Variants in LRMDA observed in about 807,000 individuals in gnomAD.
LRMDA encodes the protein leucine rich melanocyte differentiation associated.
A neutral mutation model predicts 29.8 loss-of-function variants in LRMDA; 18 were observed. The observed-to-expected ratio is 0.60, with a 90% CI of 0.42 to 0.90. The LOEUF is 0.90. Ranked by LOEUF, LRMDA falls within the 40% of genes least tolerant of loss-of-function variation. LRMDA has a pLI of 0.00. For synonymous variants in LRMDA, 125 were observed against 109.4 expected (o/e 1.14, Z -0.89); for missense variants, 273 against 273.9 (o/e 1.00, Z 0.02).
chr10:76,419,761 T>C (rs1055467615), intron 6 of LRMDA, among the ~76,000 whole-genome samples: 1 of 152,114 alleles, frequency 6.6e-6, no homozygotes, highest in Admixed American at 6.5e-5. Context: ...TTATCCATTT[T>C]TAAAATTGGG....
chr10:76,277,612 T>A (rs531655711), intron 5 of LRMDA, among the ~76,000 whole-genome samples: 19 of 152,304 alleles, frequency 1.2e-4, no homozygotes, highest in African/African-American at 4.3e-4. Flanking sequence ...TTGTTGTTAG[T>A]CTGAATTTTT....
intron 5 of LRMDA, among the ~76,000 whole-genome samples, chr10:76,084,796 A>G (rs1221876028): frequency 2.0e-5 from 3 of 152,228 alleles, no homozygotes; most frequent in Admixed American, 1.3e-4. Context: ...CAGTGAACCT[A>G]TTCACAATTA....
chr10:75,801,070 C>A (rs1284159715), intron 2 of LRMDA, among the ~76,000 whole-genome samples: 1 of 152,182 alleles, frequency 6.6e-6, no homozygotes, highest in Non-Finnish European at 1.5e-5. Context: ...ATTTACCAAG[C>A]GCCTTCACCA....
chr10:76,387,949 A>G (rs1044305982), intron 6 of LRMDA, among the ~76,000 whole-genome samples: 3 of 152,134 alleles, frequency 2.0e-5, no homozygotes, highest in Non-Finnish European at 4.4e-5. Flanking sequence ...GTCAAACATC[A>G]TTGTCCTGTC....
chr10:76,042,422 TC>T (rs1848357026), intron 3 of LRMDA, among the ~76,000 whole-genome samples: 2 of 152,272 alleles, frequency 1.3e-5, no homozygotes, highest in African/African-American at 2.4e-5. Context: ...CCCAGGAAAG[TC>T]CCATGATCAG....
chr10:75,618,376 CTCTCTCTA>C lies in LRMDA; in HGVS notation c.131+179884_131+179891del, dbSNP rs1324965287. 6.8e-3 allele frequency among the ~76,000 whole-genome samples: 468 copies of C among 69,164 alleles called. 4 individuals are homozygous for C. The highest frequency in any genetic ancestry group is 0.013 in the African/African-American group (268 of 20,148). The allele number at this position is 69,164 out of a possible 152,430, so 45.4% of individuals were successfully genotyped here. On this transcript the variant is annotated intron_variant, in intron 2 of 6. Transcript: ENST00000611255. ...CCAGACTCTCTCTCTCTCTCTCTCT[CTCTCTCTA>C]TATATATATATATATATATATATCA...
At chr10:76,443,224 A>G (rs1410740359) in intron 6 of LRMDA, among the ~76,000 whole-genome samples, 1 of 152,156 alleles carries the variant, frequency 6.6e-6, no homozygotes, top group Non-Finnish European at 1.5e-5. Context: ...AAAACCCAAC[A>G]TGAACATATT....
intron 5 of LRMDA, among the ~76,000 whole-genome samples, chr10:76,132,966 C>CCTTT (rs1850022903): frequency 1.7e-5 from 1 of 57,372 alleles, no homozygotes; most frequent in Admixed American, 2.5e-4. Flanking sequence ...CCACGCCCGG[C>CCTTT]TTTTTTTTTT....
At chr10:75,515,919 T>A (rs926082121) in intron 2 of LRMDA, among the ~76,000 whole-genome samples, 1 of 152,096 alleles carries the variant, frequency 6.6e-6, no homozygotes, top group African/African-American at 2.4e-5. Flanking sequence ...GTGTTCTCAG[T>A]GTTCAGTTCC....
At chr10:76,033,180 C>G (rs1243859169) in intron 2 of LRMDA, among the ~76,000 whole-genome samples, 1 of 152,126 alleles carries the variant, frequency 6.6e-6, no homozygotes, top group African/African-American at 2.4e-5. Flanking sequence ...ATTTACTATG[C>G]TCTCTGCCCC....
chr10:76,087,128 GTGGGGCGGGTGGCA>G, intron 5 of LRMDA, among the ~76,000 whole-genome samples: 1 of 152,182 alleles, frequency 6.6e-6, no homozygotes, highest in Non-Finnish European at 1.5e-5. Flanking sequence ...GATCTGCCTG[GTGGGGCGGGTGGCA>G]TGCCAGTGCA....
In LRMDA at chr10:75,637,627, T is replaced by C. The variant is rs117363789; in HGVS notation, c.131+199133T>C. On this transcript the variant is annotated intron_variant, in intron 2 of 6. Transcript: ENST00000611255. ...AGCTATGGAGATGCTTAGCCTTCCT[T>C]GGAAAATGTTGAGAAGGAAAAATTG... Among the ~76,000 whole-genome samples the C allele has an allele frequency of 4.0e-4, 61 of 152,324 alleles. No homozygotes were observed. In the East Asian group the frequency reaches 7.3e-3, roughly 18 times the overall value.
intron 6 of LRMDA, among the ~76,000 whole-genome samples, chr10:76,489,716 A>G (rs1298930546): frequency 6.6e-6 from 1 of 151,928 alleles, no homozygotes; most frequent in Admixed American, 6.6e-5. Flanking sequence ...TTACATTATC[A>G]GTCATTTCAA....
intron 2 of LRMDA, among the ~76,000 whole-genome samples, chr10:75,533,299 A>G (rs1845499545): frequency 3.3e-5 from 5 of 152,216 alleles, no homozygotes; most frequent in Admixed American, 2.0e-4. Context: ...TGGACTCCTC[A>G]TTTTATAATG....
chr10:75,963,389 C>T (rs774561165), intron 2 of LRMDA, among the ~76,000 whole-genome samples: 5 of 152,174 alleles, frequency 3.3e-5, no homozygotes, highest in African/African-American at 4.8e-5. Flanking sequence ...ATCTCATTCC[C>T]GTATCATCAA....
At chr10:75,598,855 T>G (rs1050157157) in intron 2 of LRMDA, among the ~76,000 whole-genome samples, 2 of 152,246 alleles carry the variant, frequency 1.3e-5, no homozygotes, top group African/African-American at 2.4e-5. Context: ...TTTTTCAATG[T>G]ATGTGGCATT....
chr10:75,912,495 T>G (rs368874927), intron 2 of LRMDA, among the ~76,000 whole-genome samples: 30 of 152,292 alleles, frequency 2.0e-4, no homozygotes, highest in African/African-American at 6.0e-4. Flanking sequence ...AGGAAGGGCA[T>G]TCCAGGCTGA....
At chr10:75,569,892 A>G (rs1026328444) in intron 2 of LRMDA, among the ~76,000 whole-genome samples, 1 of 152,354 alleles carries the variant, frequency 6.6e-6, no homozygotes, top group Non-Finnish European at 1.5e-5. Context: ...GTTCACATAT[A>G]TGGAGGCAGT....
At chr10:75,484,289 A>T (rs71473780) in intron 2 of LRMDA, among the ~76,000 whole-genome samples, 13 of 152,192 alleles carry the variant, frequency 8.5e-5, no homozygotes, top group African/African-American at 3.1e-4. Flanking sequence ...AATATGATAA[A>T]CAATATTAGA....
Sources: allele counts gnomAD v4.1 joint callset (sites outside exome capture counted in the v4.1 genomes callset), GRCh38; gene constraint gnomAD v4.1.1; transcripts MANE v1.5; gene names NCBI Gene and HGNC (gene_info 2026-07-23, HGNC 2026-07-21).